The following OSBPL5 variants were observed in gnomAD, a reference collection of about 807,000 sequenced individuals.
The protein encoded by OSBPL5 is oxysterol binding protein like 5.
A neutral mutation model predicts 111.2 loss-of-function variants in OSBPL5; 71 were observed. That is an observed-to-expected ratio of 0.64 (90% CI 0.53 to 0.78). OSBPL5 has a LOEUF of 0.78. OSBPL5 is among the 30% of genes least tolerant of loss of function. The pLI is 0.00. For synonymous variants in OSBPL5, 549 were observed against 513.9 expected, an observed-to-expected ratio of 1.07 and a Z score of -0.93; for missense variants, 1,210 against 1,189.3, an observed-to-expected ratio of 1.02 and a Z score of -0.26.
At chr11:3,122,280 C>A (rs912543946) in intron 4 of OSBPL5, 68 bp downstream of exon 4, 3 of 1,533,990 alleles carry the variant, frequency 2.0e-6, no homozygotes, top group African/African-American at 1.4e-5. Context: ...GGGAGGGTGA[C>A]CTCCCTGGCT....
intron 1 of OSBPL5, among the ~76,000 whole-genome samples, chr11:3,155,690 C>A (rs1482542749): frequency 6.6e-6 from 1 of 151,972 alleles, no homozygotes; most frequent in African/African-American, 2.4e-5. Context: ...AGCTTTGCCA[C>A]TCATGTCTGA....
rs1857021441 is a variant in OSBPL5, at chr11:3,090,571, A to G, written c.2385T>C (p.Gly795=). 1 of 1,612,796 alleles carries G rather than the reference A, an allele frequency of 6.2e-7. No homozygotes were observed. Among genetic ancestry groups the G allele is most frequent in the Non-Finnish European group, 8.5e-7 (1 of 1,179,758 alleles). ...AAGGGGGCTCACCAGGGACAAAGTCACCATCCTGCTCCTCGTCTGAGAGCT... is the reference window on the plus strand; with the variant it reads ...AAGGGGGCTCACCAGGGACAAAGTCGCCATCCTGCTCCTCGTCTGAGAGCT... ...CPELSDEEQD[G]DFVPGGESPC... The change falls in exon 20 of 22, where the codon GGT becomes GGC. Residue 795 remains glycine (G), a synonymous_variant. Transcript: ENST00000263650.
At chr11:3,143,744 G>C (rs1021078639) in intron 1 of OSBPL5, among the ~76,000 whole-genome samples, 1 of 152,214 alleles carries the variant, frequency 6.6e-6, no homozygotes, top group Non-Finnish European at 1.5e-5. Flanking sequence ...AAGAGCATGG[G>C]CTTTGGAGTC....
At chr11:3,131,923 TCCTGTCC>T (rs1845819647) in intron 1 of OSBPL5, among the ~76,000 whole-genome samples, 1 of 61,320 alleles carries the variant, frequency 1.6e-5, no homozygotes. Context: ...CCATCCATCC[TCCTGTCC>T]ATCCATCCAT....
At chr11:3,094,627 C>T in intron 14 of OSBPL5, 1 of 392,502 alleles carries the variant, frequency 2.5e-6, no homozygotes. Flanking sequence ...TAAGGGGGCT[C>T]TGTCCTCGCC....
At chr11:3,122,954 G>A (rs1007975175) in intron 3 of OSBPL5, among the ~76,000 whole-genome samples, 1 of 152,216 alleles carries the variant, frequency 6.6e-6, no homozygotes, top group Non-Finnish European at 1.5e-5. Context: ...CAGCTTCCCT[G>A]CCTTGTCTTC....
At chr11:3,090,061 C>T (rs1205735550) in intron 20 of OSBPL5, 113 bp from the exon 21 acceptor site, 1 of 745,990 alleles carries the variant, frequency 1.3e-6, no homozygotes, top group Non-Finnish European at 2.1e-6. Context: ...GGGCCTCCAC[C>T]CCACCTCATG....
chr11:3,120,099 G>A (rs993870757), intron 6 of OSBPL5: 20 of 487,206 alleles, frequency 4.1e-5, no homozygotes, highest in East Asian at 7.1e-5. Context: ...GGGCAGCCCC[G>A]GGTTAGGAGG....
rs775787988 is a variant in OSBPL5 at position 3,089,941 on chromosome 11, C to T, written c.2406G>A (p.Glu802=). Residue 802 remains glutamate (E), a synonymous_variant, in exon 21 of 22, where the codon GAG becomes GAA. Transcript: ENST00000263650. The stretch of plus-strand genomic sequence containing the variant: ...CCTTCCTGCACCGAGGGCATGGGCT[C>T]TCACCGCCTGGGACGGCCCCGAGTG... ...EQDGDFVPGG[E]SPCPRCRKEA... The T allele has an allele frequency of 2.6e-6, 4 of 1,550,454 alleles. No homozygotes were observed. The highest frequency in any genetic ancestry group is 3.5e-6 in the Non-Finnish European group (4 of 1,146,064).
At position 3,110,784 on chromosome 11, in the gene OSBPL5, C is replaced by T. The variant is rs916211588; in HGVS notation, c.692-2839G>A. Among the ~76,000 whole-genome samples the T allele has an allele frequency of 7.2e-5, 11 of 152,154 alleles. No individual in the cohort carries two copies. The highest frequency in any genetic ancestry group is 2.2e-4 in the African/African-American group (9 of 41,422). On this transcript the variant is annotated intron_variant, in intron 7 of 21. Coordinates refer to ENST00000263650, the MANE Select transcript of OSBPL5 (RefSeq NM_020896.4). The surrounding 1 kb of genome is among the most constrained non-coding windows in gnomAD (Gnocchi z 5.3). ...TACCTATGACCTGGAAGCCCCTCCCCGCTTGAAGTTGTCCCGCCTTTCCAG... is the reference window on the plus strand; with the variant it reads ...TACCTATGACCTGGAAGCCCCTCCCTGCTTGAAGTTGTCCCGCCTTTCCAG...
At chr11:3,094,577 TGGGA>T in intron 14 of OSBPL5, 1 of 499,294 alleles carries the variant, frequency 2.0e-6, no homozygotes, top group Non-Finnish European at 3.6e-6. Context: ...GCACGGAGCC[TGGGA>T]GGCACGCCTG....
intron 1 of OSBPL5, among the ~76,000 whole-genome samples, chr11:3,158,933 C>T (rs895926269): frequency 4.4e-4 from 67 of 152,260 alleles, no homozygotes; most frequent in Middle Eastern, 3.4e-3. Context: ...GGAGCCTTAG[C>T]CCCGCAGGTG....
chr11:3,114,844 T>C (rs559695379), intron 7 of OSBPL5, among the ~76,000 whole-genome samples: 1 of 152,062 alleles, frequency 6.6e-6, no homozygotes, highest in African/African-American at 2.4e-5. Flanking sequence ...TTCGTGATCC[T>C]CCTGCCTCGG....
chr11:3,093,983 G>T (rs1564822435), intron 15 of OSBPL5, 148 bp from the exon 16 acceptor site: 4 of 981,946 alleles, frequency 4.1e-6, no homozygotes, highest in Non-Finnish European at 6.0e-6. Context: ...GAGGCCTTCG[G>T]GACCCCCACG....
intron 1 of OSBPL5, among the ~76,000 whole-genome samples, chr11:3,138,314 C>A (rs1182267887): frequency 6.6e-6 from 1 of 152,206 alleles, no homozygotes; most frequent in African/African-American, 2.4e-5. Flanking sequence ...CCTGGCCCCA[C>A]CACCTCCCAG....
At chr11:3,137,614 A>T (rs896648196) in intron 1 of OSBPL5, among the ~76,000 whole-genome samples, 10 of 152,128 alleles carry the variant, frequency 6.6e-5, no homozygotes, top group African/African-American at 2.4e-4. Context: ...GGAGATCGAG[A>T]TCAGCCTGGG....
chr11:3,163,558 G>A (rs1287765190), intron 1 of OSBPL5, among the ~76,000 whole-genome samples: 1 of 152,200 alleles, frequency 6.6e-6, no homozygotes, highest in Admixed American at 6.5e-5. Flanking sequence ...TTGGTATTCT[G>A]TAAAGAGCTG....
In OSBPL5 at chr11:3,088,093, G is replaced by T; in HGVS notation, c.*112C>A. The stretch of plus-strand genomic sequence containing the variant: ...GGTCCCTCCTGCGCCTGGACTCCCC[G>T]TCACAGTGGCTGTGCTTGCCGGGCC... On this transcript the variant is annotated 3_prime_UTR_variant, in exon 22 of 22. Coordinates refer to ENST00000263650, the MANE Select transcript of OSBPL5 (RefSeq NM_020896.4). 9.1e-7 allele frequency: 1 copy of T among 1,095,982 alleles called. No homozygotes were observed. Among genetic ancestry groups the T allele is most frequent in the South Asian group, 1.9e-5 (1 of 51,682 alleles). 67.9% of individuals were successfully genotyped at this position (1,095,982 alleles called of 1,614,324 possible). A position where few individuals can be genotyped will look rare whatever the true frequency, so the allele number is the denominator to read the frequency against.
rs1846174049 is a variant in OSBPL5 at position 3,142,923 on chromosome 11, T to G, written c.-21-13754A>C. On this transcript the variant is annotated intron_variant, in intron 1 of 21. Transcript: ENST00000263650. This position sits in a 1 kb window ranked among gnomAD's most constrained non-coding sequence, Gnocchi z 7.1. Reference sequence around the variant, plus strand: ...CAGCGGACGGCACACGGGGTGGGGGTGTGTGAGCAGAGACCCTTGGGACCC... The same window carrying G: ...CAGCGGACGGCACACGGGGTGGGGGGGTGTGAGCAGAGACCCTTGGGACCC... Among the ~76,000 whole-genome samples the G allele has an allele frequency of 6.9e-6, 1 of 144,386 alleles. No homozygotes were observed. Among genetic ancestry groups the G allele is most frequent in the Non-Finnish European group, 1.5e-5 (1 of 65,996 alleles). 94.7% of individuals were successfully genotyped at this position (144,386 alleles called of 152,430 possible). A position where few individuals can be genotyped will look rare whatever the true frequency, so the allele number is the denominator to read the frequency against.
Sources: allele counts gnomAD v4.1 joint callset (sites outside exome capture counted in the v4.1 genomes callset), GRCh38; gene constraint gnomAD v4.1.1; non-coding constraint Gnocchi (gnomAD v3.1); transcripts MANE v1.5; gene names NCBI Gene and HGNC (gene_info 2026-07-23, HGNC 2026-07-21).